SGPP2: variants seen among roughly 807,000 people sequenced by gnomAD.
SGPP2 encodes the protein sphingosine-1-phosphate phosphatase 2.
Under a neutral mutation model 33.9 loss-of-function variants are expected in SGPP2, and 30 were observed. The observed-to-expected ratio is 0.89, with a 90% CI of 0.66 to 1.20. SGPP2 has a LOEUF of 1.20. SGPP2 is among the 50% of genes most tolerant of loss of function. SGPP2 has a pLI of 0.00. For synonymous variants in SGPP2, 233 were observed against 225.0 expected (o/e 1.04, Z -0.32); for missense variants, 458 against 532.1 (o/e 0.86, Z 1.37).
chr2:222,478,244 C>G (rs578110258), intron 2 of SGPP2, among the ~76,000 whole-genome samples: 1 of 146,016 alleles, frequency 6.8e-6, no homozygotes, highest in African/African-American at 2.5e-5. Flanking sequence ...TGTGTTTGTG[C>G]ATCTTCGTGT....
Position 222,559,153 on chromosome 2 carries a change from C to G in SGPP2, c.*255C>G. 7.5e-6 allele frequency: 1 copy of G among 133,982 alleles called. No homozygotes were observed. Among genetic ancestry groups the G allele is most frequent in the Admixed American group, 1.3e-4 (1 of 7,802 alleles). 8.3% of individuals were successfully genotyped at this position (133,982 alleles called of 1,614,324 possible). ...ACCATAATCCGGATCTTTAAAGGCA[C>G]ACACCGCGCCCCCCCCCCCCCCGCC... On this transcript the variant is annotated 3_prime_UTR_variant, in exon 5 of 5. Transcript: ENST00000321276.
intron 2 of SGPP2, among the ~76,000 whole-genome samples, chr2:222,485,572 A>G (rs966693000): frequency 6.6e-6 from 1 of 152,234 alleles, no homozygotes; most frequent in African/African-American, 2.4e-5. Context: ...TAAAGCAGCC[A>G]AGTGGAAAAG....
intron 4 of SGPP2, among the ~76,000 whole-genome samples, chr2:222,546,341 C>T (rs1689199748): frequency 6.6e-6 from 1 of 152,200 alleles, no homozygotes; most frequent in Admixed American, 6.5e-5. Flanking sequence ...TTGGATGTCA[C>T]TTCCCCATTG....
intron 4 of SGPP2, among the ~76,000 whole-genome samples, chr2:222,525,982 A>C (rs983481721): frequency 2.6e-5 from 4 of 152,110 alleles, no homozygotes; most frequent in Non-Finnish European, 5.9e-5. Context: ...GGCCGAAGTA[A>C]CTCAGAGAAG....
At chr2:222,449,177 G>C (rs368128689) in intron 1 of SGPP2, among the ~76,000 whole-genome samples, 4 of 152,280 alleles carry the variant, frequency 2.6e-5, no homozygotes, top group East Asian at 3.9e-4. Context: ...CTACCCATCT[G>C]GTCGTTGAAA....
Position 222,559,227 on chromosome 2 carries a change from G to C in SGPP2, c.*329G>C, listed in dbSNP as rs1020282632. ...GCACGGGCTTTGGATCTAGTCATGG[G>C]CTGGCAGGAATTGTGGCCTGGCTTA... On this transcript the variant is annotated 3_prime_UTR_variant, in exon 5 of 5. Transcript: ENST00000321276. The C allele has an allele frequency of 2.2e-5, 6 of 269,206 alleles. No homozygotes were observed. Among genetic ancestry groups the C allele is most frequent in the Non-Finnish European group, 3.5e-5 (5 of 142,940 alleles). 16.7% of individuals were successfully genotyped at this position (269,206 alleles called of 1,614,324 possible). A position where few individuals can be genotyped will look rare whatever the true frequency, so the allele number is the denominator to read the frequency against.
chr2:222,541,036 C>A (rs1698988654), intron 4 of SGPP2, among the ~76,000 whole-genome samples: 1 of 152,098 alleles, frequency 6.6e-6, no homozygotes, highest in South Asian at 2.1e-4. Flanking sequence ...CCAGGCTGGT[C>A]TCGAACTCCT....
intron 4 of SGPP2, among the ~76,000 whole-genome samples, chr2:222,542,130 C>A (rs536877335): frequency 1.3e-5 from 2 of 152,130 alleles, no homozygotes; most frequent in African/African-American, 4.8e-5. Flanking sequence ...TCTCTGACAC[C>A]ATAGATTAGT....
intron 2 of SGPP2, among the ~76,000 whole-genome samples, chr2:222,475,771 A>C (rs1697924097): frequency 1.3e-5 from 2 of 152,246 alleles, no homozygotes; most frequent in African/African-American, 2.4e-5. Context: ...TTTGCAAGGC[A>C]GCAAGGCATA....
chr2:222,424,712 AC>A lies in SGPP2; in HGVS notation c.114del (p.Thr39ArgfsTer43). 1 of 1,445,874 alleles carries A rather than the reference AC, an allele frequency of 6.9e-7. No homozygotes were observed. The highest frequency in any genetic ancestry group is 3.1e-5 in the East Asian group (1 of 32,624). The allele number at this position is 1,445,874 out of a possible 1,614,324, so 89.6% of individuals were successfully genotyped here. A position where few individuals can be genotyped will look rare whatever the true frequency, so the allele number is the denominator to read the frequency against. ...GAAGGCCCCCGGGAGAACGGCGCGG[AC>A]CCCACGGAGCGCGCGGCGCGGGTCC... is the stretch of plus-strand genomic sequence containing the variant. ...PDEGPRENGADPTERAARVPG... is the reference protein window; with the variant it reads ...PDEGPRENGAXPTERAARVPG... On this transcript the variant is annotated frameshift_variant, in exon 1 of 5. Transcript: ENST00000321276. LOFTEE classifies it high-confidence loss of function.
intron 1 of SGPP2, among the ~76,000 whole-genome samples, chr2:222,456,605 A>T (rs894841619): frequency 3.9e-5 from 6 of 152,238 alleles, no homozygotes; most frequent in Non-Finnish European, 8.8e-5. Context: ...AGTACAAAGA[A>T]AAAGCTGGAG....
At chr2:222,463,190 C>T (rs2106086128) in intron 1 of SGPP2, among the ~76,000 whole-genome samples, 2 of 152,336 alleles carry the variant, frequency 1.3e-5, no homozygotes, top group East Asian at 3.9e-4. Context: ...TCTATTCCAT[C>T]CCTGACTGAT....
intron 1 of SGPP2, among the ~76,000 whole-genome samples, chr2:222,432,117 G>A (rs1480158747): frequency 2.0e-5 from 3 of 152,274 alleles, no homozygotes; most frequent in East Asian, 1.9e-4. Context: ...GTGCCAAATC[G>A]GAATTGGCAA....
intron 4 of SGPP2, among the ~76,000 whole-genome samples, chr2:222,543,985 T>C (rs1218358301): frequency 1.3e-5 from 2 of 152,208 alleles, no homozygotes; most frequent in East Asian, 3.8e-4. Context: ...TCTATTTAGG[T>C]CTTTAGTTTA....
At chr2:222,497,250 C>CTTTTT (rs57363978) in intron 2 of SGPP2, among the ~76,000 whole-genome samples, 13 of 118,524 alleles carry the variant, frequency 1.1e-4, no homozygotes, top group African/African-American at 1.9e-4. Context: ...TCTCTTTCTT[C>CTTTTT]TTTTTTTTTT....
intron 1 of SGPP2, among the ~76,000 whole-genome samples, chr2:222,459,388 G>T (rs547187656): frequency 2.9e-4 from 44 of 152,112 alleles, no homozygotes; most frequent in African/African-American, 1.1e-3. Flanking sequence ...GAGCTCAAAT[G>T]ATCTGCCTGC....
intron 1 of SGPP2, among the ~76,000 whole-genome samples, chr2:222,443,482 G>T (rs1459195423): frequency 3.3e-5 from 5 of 152,084 alleles, no homozygotes; most frequent in African/African-American, 1.2e-4. Flanking sequence ...GCAGTATCTG[G>T]GTTTCTTTAG....
intron 4 of SGPP2, among the ~76,000 whole-genome samples, chr2:222,541,008 G>A (rs1018584432): frequency 3.4e-4 from 51 of 151,838 alleles, no homozygotes; most frequent in African/African-American, 1.2e-3. Context: ...TAGTAGAGAC[G>A]ATGTTTCACT....
rs945204502 is a variant in SGPP2 at position 222,476,806 on chromosome 2, G to A, written c.378+2080G>A. ...TGTGTATACAGGTGTGTGTATATCCGTGCGTGTATATAGGTGTGTGTATAT... is the reference window on the plus strand; with the variant it reads ...TGTGTATACAGGTGTGTGTATATCCATGCGTGTATATAGGTGTGTGTATAT... On this transcript the variant is annotated intron_variant, in intron 2 of 4. Coordinates refer to ENST00000321276, the MANE Select transcript of SGPP2 (RefSeq NM_152386.4). This position sits in a 1 kb window ranked among gnomAD's most constrained non-coding sequence, Gnocchi z 4.3. Among the ~76,000 whole-genome samples, 4 of 151,668 alleles carry A rather than the reference G, an allele frequency of 2.6e-5. No homozygotes were observed. Among genetic ancestry groups the A allele is most frequent in the African/African-American group, 7.3e-5 (3 of 41,230 alleles).
Sources: gnomAD v4.1 joint callset for allele counts (sites outside exome capture counted in the v4.1 genomes callset) on GRCh38, gnomAD v4.1.1 for gene constraint, Gnocchi (gnomAD v3.1) non-coding constraint, MANE v1.5 for transcripts, NCBI Gene and HGNC (gene_info 2026-07-23, HGNC 2026-07-21) for gene names.